The following ERC2 variants were observed in gnomAD, a reference collection of about 807,000 sequenced individuals.
ERC2 encodes the protein ELKS/RAB6-interacting/CAST family member 2.
ERC2 carries 42 observed loss-of-function variants against 114.8 expected under a neutral mutation model. The ratio of observed to expected loss-of-function variants is 0.37; its 90% CI spans 0.29 to 0.47. ERC2 has a LOEUF of 0.47. Ranked by LOEUF, ERC2 falls within the 20% of genes least tolerant of loss-of-function variation. The probability of loss-of-function intolerance (pLI) is 0.99; values close to 1 mark genes in which losing one functional copy is unlikely to be tolerated. For missense variants in ERC2, 939 were observed against 1,150.7 expected (o/e 0.82, Z 2.66); for synonymous variants, 454 against 425.5 (o/e 1.07, Z -0.82).
intron 2 of ERC2, among the ~76,000 whole-genome samples, chr3:56,354,224 G>A (rs1021642346): frequency 1.2e-4 from 19 of 152,254 alleles, no homozygotes; most frequent in Admixed American, 4.6e-4. Flanking sequence ...ATGTACATGT[G>A]CAAGCATTTA....
intron 3 of ERC2, among the ~76,000 whole-genome samples, chr3:56,278,119 G>A (rs764811885): frequency 1.3e-5 from 2 of 152,320 alleles, no homozygotes; most frequent in Admixed American, 1.3e-4. Flanking sequence ...CTGCCCCACC[G>A]TGGGTGACTG....
chr3:56,276,954 C>G (rs910974853), intron 3 of ERC2, among the ~76,000 whole-genome samples: 5 of 152,198 alleles, frequency 3.3e-5, no homozygotes, highest in African/African-American at 7.2e-5. Context: ...CAAGCTTGTA[C>G]CAGTATATCA....
intron 7 of ERC2, among the ~76,000 whole-genome samples, chr3:56,019,818 C>A (rs1337661775): frequency 2.6e-5 from 4 of 152,110 alleles, no homozygotes; most frequent in Non-Finnish European, 1.5e-5. Flanking sequence ...GCTTTCAAAC[C>A]ATGTATTTCT....
intron 14 of ERC2, among the ~76,000 whole-genome samples, chr3:55,751,401 C>T (rs751340334): frequency 6.6e-6 from 1 of 152,150 alleles, no homozygotes; most frequent in South Asian, 2.1e-4. Flanking sequence ...TTGGTCAATG[C>T]CAATCTTTAG....
chr3:56,125,972 C>A (rs2079842000), intron 6 of ERC2, among the ~76,000 whole-genome samples: 1 of 152,096 alleles, frequency 6.6e-6, no homozygotes, highest in Non-Finnish European at 1.5e-5. Context: ...CAAACATCGA[C>A]AAAAGTTGAG....
At chr3:56,317,774 A>G (rs1463653627) in intron 2 of ERC2, among the ~76,000 whole-genome samples, 1 of 152,218 alleles carries the variant, frequency 6.6e-6, no homozygotes, top group Non-Finnish European at 1.5e-5. Flanking sequence ...ATAGCAAGAG[A>G]CAGTAAGTGC....
chr3:55,846,693 T>TCTTTCTC lies in ERC2; in HGVS notation c.2564+41695_2564+41696insGAGAAAG, dbSNP rs1553702627. 5.8e-3 allele frequency among the ~76,000 whole-genome samples: 827 copies of TCTTTCTC among 142,858 alleles called. 8 individuals carry two copies. The highest frequency in any genetic ancestry group is 0.02 in the African/African-American group (773 of 37,848). 93.7% of individuals were successfully genotyped at this position (142,858 alleles called of 152,430 possible). A position where few individuals can be genotyped will look rare whatever the true frequency, so the allele number is the denominator to read the frequency against. ...ATTCTCTCTCTCTCTCTCTCTCTCT[T>TCTTTCTC]TCTCTCTCTCTCTCTCTCTCTCTCT... On this transcript the variant is annotated intron_variant, in intron 14 of 17. Coordinates refer to ENST00000288221, the MANE Select transcript of ERC2 (RefSeq NM_015576.3).
At chr3:55,879,098 A>ATTTTTTTTTTTTTTTTTT (rs1553715235) in intron 14 of ERC2, among the ~76,000 whole-genome samples, 1 of 20,694 alleles carries the variant, frequency 4.8e-5, no homozygotes, top group African/African-American at 1.7e-4. Context: ...TCTTTTTCTT[A>ATTTTTTTTTTTTTTTTTT]ATTTTTTTTT....
At chr3:55,523,663 T>C (rs1034063201) in intron 17 of ERC2, among the ~76,000 whole-genome samples, 4 of 152,216 alleles carry the variant, frequency 2.6e-5, no homozygotes, top group African/African-American at 9.6e-5. Flanking sequence ...CTAGGCTGCG[T>C]TCATGAGGAC....
intron 1 of ERC2, among the ~76,000 whole-genome samples, chr3:56,438,694 A>T (rs2062144912): frequency 6.6e-6 from 1 of 152,164 alleles, no homozygotes; most frequent in Non-Finnish European, 1.5e-5. Context: ...AAAGTGATGA[A>T]ATCTAACTTG....
At chr3:55,885,407 C>T (rs2063310914) in intron 14 of ERC2, among the ~76,000 whole-genome samples, 1 of 152,198 alleles carries the variant, frequency 6.6e-6, no homozygotes, top group Non-Finnish European at 1.5e-5. Context: ...TAAGTCCTCC[C>T]ATAGTCCCAG....
Position 56,332,678 on chromosome 3 carries a change from TTTGCTGAA to T in ERC2, c.658-36251_658-36244del, listed in dbSNP as rs1321106458. Among the ~76,000 whole-genome samples the T allele has an allele frequency of 3.9e-4, 60 of 152,210 alleles. 1 individual carries two copies. Among genetic ancestry groups the T allele is most frequent in the Non-Finnish European group, 2.9e-5 (2 of 68,034 alleles). ...CCACACAGTAAGTGCTCAATAAATA[TTTGCTGAA>T]TGAGCGAATCTGTTTAGGTTCTTAA... On this transcript the variant is annotated intron_variant, in intron 2 of 17. Transcript: ENST00000288221.
At chr3:56,126,606 A>G (rs1364160187) in intron 6 of ERC2, among the ~76,000 whole-genome samples, 2 of 151,984 alleles carry the variant, frequency 1.3e-5, no homozygotes, top group African/African-American at 4.8e-5. Context: ...AAATAAAAAT[A>G]AATTAGTTGG....
At chr3:55,895,885 A>G (rs1199950710) in intron 13 of ERC2, among the ~76,000 whole-genome samples, 1 of 152,162 alleles carries the variant, frequency 6.6e-6, no homozygotes, top group Non-Finnish European at 1.5e-5. Flanking sequence ...GTTTGCTTCA[A>G]GCACCTTCTC....
At chr3:55,930,679 A>C (rs1189340902) in intron 13 of ERC2, among the ~76,000 whole-genome samples, 1 of 152,374 alleles carries the variant, frequency 6.6e-6, no homozygotes, top group East Asian at 1.9e-4. Context: ...AATACTATTC[A>C]GGACATAGGC....
At chr3:55,929,324 G>C (rs1462226080) in intron 13 of ERC2, among the ~76,000 whole-genome samples, 1 of 152,104 alleles carries the variant, frequency 6.6e-6, no homozygotes, top group East Asian at 1.9e-4. Context: ...CCTCACAATG[G>C]CAGAAGTAAG....
intron 5 of ERC2, 61 bp downstream of exon 5, chr3:56,148,916 A>G: frequency 6.7e-7 from 1 of 1,486,748 alleles, no homozygotes; most frequent in Non-Finnish European, 9.3e-7. Flanking sequence ...AAAAGTATGT[A>G]TGTAAACTGT....
chr3:55,753,680 C>T lies in ERC2; in HGVS notation c.2565-18762G>A, dbSNP rs112176504. 1.8e-4 allele frequency among the ~76,000 whole-genome samples: 27 copies of T among 152,324 alleles called. 1 individual carries two copies. The highest frequency in any genetic ancestry group is 5.5e-4 in the African/African-American group (23 of 41,576). On this transcript the variant is annotated intron_variant, in intron 14 of 17. Coordinates refer to ENST00000288221, the MANE Select transcript of ERC2 (RefSeq NM_015576.3). ...TTTCACTGGGGCAAACATAAATTCA[C>T]GAACGGAAAACGACTATCTGGAGGA... is the stretch of plus-strand genomic sequence containing the variant.
intron 14 of ERC2, among the ~76,000 whole-genome samples, chr3:55,887,007 T>A (rs2063376462): frequency 6.6e-6 from 1 of 152,242 alleles, no homozygotes; most frequent in Admixed American, 6.5e-5. Flanking sequence ...AGCACTGCTC[T>A]TGTCTGCATA....
Sources: gnomAD v4.1 joint callset for allele counts (sites outside exome capture counted in the v4.1 genomes callset) on GRCh38, gnomAD v4.1.1 for gene constraint, MANE v1.5 for transcripts, NCBI Gene and HGNC (gene_info 2026-07-23, HGNC 2026-07-21) for gene names.